RALGAPB: variants seen among roughly 807,000 people sequenced by gnomAD.
RALGAPB encodes the protein Ral GTPase activating protein non-catalytic subunit beta.
In RALGAPB, 25 loss-of-function variants were observed where a neutral mutation model predicts 161.1. The observed-to-expected ratio is 0.16, with a 90% CI of 0.11 to 0.22. The LOEUF (loss-of-function observed/expected upper bound fraction) is 0.22. Among genes scored for constraint, RALGAPB ranks in the 10% least tolerant of loss-of-function variants. The pLI, the probability that RALGAPB is intolerant of heterozygous loss-of-function variation, is 1.00. For missense variants in RALGAPB, 1,391 were observed against 1,815.2 expected, an observed-to-expected ratio of 0.77 and a Z score of 4.25; for synonymous variants, 629 against 626.1, an observed-to-expected ratio of 1.00 and a Z score of -0.07.
intron 9 of RALGAPB, among the ~76,000 whole-genome samples, chr20:38,518,457 T>C (rs1043379272): frequency 2.6e-5 from 4 of 152,246 alleles, no homozygotes; most frequent in Admixed American, 6.5e-5. Context: ...TCTCAAATTT[T>C]AGTCTAGAGA....
Position 38,490,459 on chromosome 20 carries a change from C to T in RALGAPB, c.186+1841C>T, listed in dbSNP as rs554249853. Among the ~76,000 whole-genome samples the T allele has an allele frequency of 3.1e-3, 466 of 151,882 alleles. 1 individual carries two copies. The highest frequency in any genetic ancestry group is 5.7e-3 in the Non-Finnish European group (388 of 67,988). Reference sequence around the variant, plus strand: ...TCCTGACCTCGTGATCTGCCCGCCTCGGCCTCCCAAAGTGCTGGTATTACA... The same window carrying T: ...TCCTGACCTCGTGATCTGCCCGCCTTGGCCTCCCAAAGTGCTGGTATTACA... On this transcript the variant is annotated intron_variant, in intron 2 of 29. Coordinates refer to ENST00000262879, the MANE Select transcript of RALGAPB (RefSeq NM_020336.4).
At chr20:38,520,082 A>G (rs999551065) in intron 9 of RALGAPB, among the ~76,000 whole-genome samples, 3 of 152,174 alleles carry the variant, frequency 2.0e-5, no homozygotes, top group African/African-American at 7.2e-5. Context: ...ACAATTTCCT[A>G]TGTTTTTGAA....
chr20:38,484,360 A>G (rs1831704424), intron 1 of RALGAPB, among the ~76,000 whole-genome samples: 1 of 152,122 alleles, frequency 6.6e-6, no homozygotes, highest in African/African-American at 2.4e-5. Flanking sequence ...CCAGCAACAA[A>G]GGTGGGTTGG....
In RALGAPB at chr20:38,578,126, A is replaced by G. The variant is rs538040257; in HGVS notation, c.*3159A>G. On this transcript the variant is annotated 3_prime_UTR_variant, in exon 30 of 30. Coordinates refer to ENST00000262879, the MANE Select transcript of RALGAPB (RefSeq NM_020336.4). ...ACACTGCTGCTGGCAGTAGTTCTCT[A>G]TTCACCATTTTAAAGCCCATTCAGG... The G allele has an allele frequency of 4.6e-5, 7 of 152,344 alleles. No homozygotes were observed. The highest frequency in any genetic ancestry group is 1.9e-4 in the East Asian group (1 of 5,188). 9.4% of individuals were successfully genotyped at this position (152,344 alleles called of 1,614,324 possible). A position where few individuals can be genotyped will look rare whatever the true frequency, so the allele number is the denominator to read the frequency against.
intron 20 of RALGAPB, 74 bp downstream of exon 20, chr20:38,548,869 A>T: frequency 8.1e-7 from 1 of 1,238,488 alleles, no homozygotes; most frequent in Admixed American, 1.7e-5. Context: ...CCAACAGAAG[A>T]CACAGATCAA....
At chr20:38,526,069 G>A in intron 13 of RALGAPB, 27 bp downstream of exon 13, 1 of 1,612,114 alleles carries the variant, frequency 6.2e-7, no homozygotes, top group Non-Finnish European at 8.5e-7. Context: ...TATTTTGTAA[G>A]TGAAACCAAA....
intron 1 of RALGAPB, among the ~76,000 whole-genome samples, chr20:38,486,581 C>T (rs1335740743): frequency 6.6e-6 from 1 of 152,122 alleles, no homozygotes. Context: ...ACCCTTTCCT[C>T]CCCTGATGAT....
At chr20:38,473,101 A>G (rs1192975839) in intron 1 of RALGAPB, 32 bp downstream of exon 1, 2 of 343,994 alleles carry the variant, frequency 5.8e-6, no homozygotes, top group Non-Finnish European at 1.0e-5. Flanking sequence ...CCGCGGCCGG[A>G]CCCTCCCCTC....
At chr20:38,519,329 G>A (rs1034182595) in intron 9 of RALGAPB, among the ~76,000 whole-genome samples, 1 of 152,074 alleles carries the variant, frequency 6.6e-6, no homozygotes. Context: ...TGTATTTTGA[G>A]TTTTCTGTAC....
In RALGAPB at chr20:38,563,194, T is replaced by C. The variant is rs138229000; in HGVS notation, c.3697+497T>C. Among the ~76,000 whole-genome samples the C allele has an allele frequency of 4.2e-3, 641 of 152,372 alleles. 3 individuals are homozygous for C. Among genetic ancestry groups the C allele is most frequent in the African/African-American group, 0.015 (608 of 41,592 alleles). On this transcript the variant is annotated intron_variant, in intron 24 of 29. Transcript: ENST00000262879. ...ATATGAAAGATATGTATACACATAATGATAGAGTTAATACAAAATGACTGG... is the reference window on the plus strand; with the variant it reads ...ATATGAAAGATATGTATACACATAACGATAGAGTTAATACAAAATGACTGG...
Position 38,578,854 on chromosome 20 carries a change from T to C in RALGAPB, c.*3887T>C, listed in dbSNP as rs956764905. 2 of 152,636 alleles carry C rather than the reference T, an allele frequency of 1.3e-5. No individual in the cohort carries two copies. Among genetic ancestry groups the C allele is most frequent in the African/African-American group, 2.4e-5 (1 of 41,454 alleles). The allele number at this position is 152,636 out of a possible 1,614,324, so 9.5% of individuals were successfully genotyped here. On this transcript the variant is annotated 3_prime_UTR_variant, in exon 30 of 30. Transcript: ENST00000262879. ...CAATTAAATTTTAAGGAGATTCTTA[T>C]CTAATAACTTTGTGTGTGCTTTTGG...
At position 38,531,202 on chromosome 20, in the gene RALGAPB, T is replaced by C. The variant is rs762330570; in HGVS notation, c.2086T>C (p.Leu696=). 6.2e-6 allele frequency: 10 copies of C among 1,610,960 alleles called. No individual in the cohort carries two copies. Among genetic ancestry groups the C allele is most frequent in the East Asian group, 2.2e-5 (1 of 44,820 alleles). ...MLNIVQDSAL[L]EAIGCQMEMG... ...AAATATTGTTCAAGATTCAGCACTT[T>C]TGGAAGCCATTGGTTGCCAGATGGA... Residue 696 remains leucine, a synonymous_variant, in exon 14 of 30, where the codon TTG becomes CTG. Transcript: ENST00000262879.
At chr20:38,539,152 A>G (rs1238542950) in intron 16 of RALGAPB, among the ~76,000 whole-genome samples, 3 of 152,238 alleles carry the variant, frequency 2.0e-5, no homozygotes, top group Admixed American at 6.5e-5. Flanking sequence ...TACATATTGT[A>G]TGATCTTTAT....
intron 14 of RALGAPB, among the ~76,000 whole-genome samples, chr20:38,531,614 A>G (rs1322377858): frequency 6.6e-6 from 1 of 152,192 alleles, no homozygotes; most frequent in Non-Finnish European, 1.5e-5. Flanking sequence ...TAACCCCTCT[A>G]GACCTAAGTT....
At chr20:38,487,600 C>T (rs2085155224) in intron 1 of RALGAPB, among the ~76,000 whole-genome samples, 1 of 152,158 alleles carries the variant, frequency 6.6e-6, no homozygotes, top group Non-Finnish European at 1.5e-5. Flanking sequence ...ACTGACCATA[C>T]ATTTAGAAGA....
chr20:38,516,480 G>A lies in RALGAPB; in HGVS notation c.1051+110G>A, dbSNP rs372502933. On this transcript the variant is annotated intron_variant, in intron 7 of 29. Coordinates refer to ENST00000262879, the MANE Select transcript of RALGAPB (RefSeq NM_020336.4). ...TCCGAAGGAAAAGATGAACAGATTTGATGACAAATAACAAGCGAGGAAAAA... is the reference window on the plus strand; with the variant it reads ...TCCGAAGGAAAAGATGAACAGATTTAATGACAAATAACAAGCGAGGAAAAA... 448 of 1,082,898 alleles carry A rather than the reference G, an allele frequency of 4.1e-4. 9 individuals are homozygous for A. In the South Asian group the frequency reaches 9.5e-3, roughly 23 times the overall value. 67.1% of individuals were successfully genotyped at this position (1,082,898 alleles called of 1,614,324 possible).
In RALGAPB at chr20:38,497,444, GA is replaced by G; in HGVS notation, c.484del (p.Thr162LeufsTer30). 6.2e-7 allele frequency: 1 copy of G among 1,614,132 alleles called. No homozygotes were observed. Among genetic ancestry groups the G allele is most frequent in the Non-Finnish European group, 8.5e-7 (1 of 1,180,004 alleles). On this transcript the variant is annotated frameshift_variant, in exon 4 of 30. Transcript: ENST00000262879. LOFTEE classifies it high-confidence loss of function. ...LARESSLMAR[E>X]TWEVLLLFLL... ...CCGTGAGTCATCTCTCATGGCCCGAGAAACTTGGGAAGTCTTACTGTTGTTT... is the reference window on the plus strand; with the variant it reads ...CCGTGAGTCATCTCTCATGGCCCGAGAACTTGGGAAGTCTTACTGTTGTTT...
In RALGAPB at chr20:38,575,961, C is replaced by G. The variant is rs1872262869; in HGVS notation, c.*994C>G. 1.3e-5 allele frequency: 2 copies of G among 152,442 alleles called. No homozygotes were observed. Among genetic ancestry groups the G allele is most frequent in the Non-Finnish European group, 2.9e-5 (2 of 68,034 alleles). The allele number at this position is 152,442 out of a possible 1,614,324, so 9.4% of individuals were successfully genotyped here. A position where few individuals can be genotyped will look rare whatever the true frequency, so the allele number is the denominator to read the frequency against. On this transcript the variant is annotated 3_prime_UTR_variant, in exon 30 of 30. Transcript: ENST00000262879. Reference sequence around the variant, plus strand: ...CAACGCTACTAATTCAGATCTCTCCCAGAGAACTACTGGATTTCCTCATAA... The same window carrying G: ...CAACGCTACTAATTCAGATCTCTCCGAGAGAACTACTGGATTTCCTCATAA...
chr20:38,535,262 T>A, intron 16 of RALGAPB, 55 bp downstream of exon 16: 1 of 1,575,570 alleles, frequency 6.3e-7, no homozygotes, highest in South Asian at 1.1e-5. Flanking sequence ...TTGGCTGTTT[T>A]TTCTGTATCT....
Sources: allele counts gnomAD v4.1 joint callset (sites outside exome capture counted in the v4.1 genomes callset), GRCh38; gene constraint gnomAD v4.1.1; transcripts MANE v1.5; gene names NCBI Gene and HGNC (gene_info 2026-07-23, HGNC 2026-07-21).